Variants in CHRM3 observed in about 807,000 individuals in gnomAD.
CHRM3 encodes muscarinic acetylcholine receptor M3.
CHRM3 carries 11 observed loss-of-function variants against 41.8 expected under a neutral mutation model. The ratio of observed to expected loss-of-function variants is 0.26; its 90% CI spans 0.17 to 0.44. The LOEUF is 0.44. Among genes scored for constraint, CHRM3 ranks in the 20% least tolerant of loss-of-function variants. The pLI is 1.00. For synonymous variants in CHRM3, 297 were observed against 301.4 expected, an observed-to-expected ratio of 0.99 and a Z score of 0.15; for missense variants, 571 against 745.4, an observed-to-expected ratio of 0.77 and a Z score of 2.72.
chr1:239,852,293 A>G (rs192166007), intron 6 of CHRM3, among the ~76,000 whole-genome samples: 124 of 152,298 alleles, frequency 8.1e-4, no homozygotes, highest in Non-Finnish European at 1.5e-3. Context: ...AAAGCAGTGT[A>G]TTAGGCACTG....
At chr1:239,524,817 G>A (rs999395722) in intron 2 of CHRM3, among the ~76,000 whole-genome samples, 2 of 152,028 alleles carry the variant, frequency 1.3e-5, no homozygotes, top group African/African-American at 2.4e-5. Flanking sequence ...GTTCCATCCT[G>A]CCACGGCTCT....
chr1:239,850,245 TAAG>T (rs766432234), intron 6 of CHRM3, among the ~76,000 whole-genome samples: 16 of 152,126 alleles, frequency 1.1e-4, no homozygotes, highest in Non-Finnish European at 1.6e-4. Flanking sequence ...AGAAAACCAT[TAAG>T]AAGAGAAAAT....
In CHRM3 at chr1:239,637,710, C is replaced by CTT. The variant is rs112810831; in HGVS notation, c.-250+5437_-250+5438dup. ...CTGCTCCTGTGAGCTTCACATTTTT[C>CTT]TTTTTTTTTTTTTTGGGGAATTTGT... On this transcript the variant is annotated intron_variant, in intron 4 of 6. Transcript: ENST00000676153. Among the ~76,000 whole-genome samples the CTT allele has an allele frequency of 1.4e-4, 15 of 109,534 alleles. 1 individual carries two copies. The highest frequency in any genetic ancestry group is 3.0e-4 in the South Asian group (1 of 3,354). The allele number at this position is 109,534 out of a possible 152,430, so 71.9% of individuals were successfully genotyped here.
chr1:239,601,959 A>C (rs1665597717), intron 3 of CHRM3, among the ~76,000 whole-genome samples: 1 of 151,628 alleles, frequency 6.6e-6, no homozygotes, highest in South Asian at 2.1e-4. Flanking sequence ...AATGTCAATA[A>C]ATTGATCCTG....
intron 5 of CHRM3, among the ~76,000 whole-genome samples, chr1:239,773,739 G>A (rs1269539119): frequency 6.6e-6 from 1 of 152,210 alleles, no homozygotes; most frequent in South Asian, 2.1e-4. Flanking sequence ...AAGATGGCTA[G>A]TTGTAATCAA....
chr1:239,715,569 C>A (rs1261671818), intron 5 of CHRM3, among the ~76,000 whole-genome samples: 1 of 152,016 alleles, frequency 6.6e-6, no homozygotes, highest in Non-Finnish European at 1.5e-5. Context: ...CTCCAGTGCA[C>A]CACCACATAG....
At chr1:239,889,148 C>T (rs1678324905) in intron 6 of CHRM3, among the ~76,000 whole-genome samples, 1 of 152,052 alleles carries the variant, frequency 6.6e-6, no homozygotes, top group Admixed American at 6.6e-5. Context: ...GAATGGATCA[C>T]CGGATCCACA....
At chr1:239,843,626 C>T (rs1303840432) in intron 6 of CHRM3, among the ~76,000 whole-genome samples, 1 of 151,966 alleles carries the variant, frequency 6.6e-6, no homozygotes. Flanking sequence ...ATTTTCATTA[C>T]TCTAATAGAA....
intron 1 of CHRM3, among the ~76,000 whole-genome samples, chr1:239,488,872 A>G (rs1401473674): frequency 6.6e-6 from 1 of 152,058 alleles, no homozygotes; most frequent in Non-Finnish European, 1.5e-5. Context: ...ATTGTTAGGC[A>G]TTTTGTATGC....
intron 1 of CHRM3, among the ~76,000 whole-genome samples, chr1:239,452,416 A>G (rs115855328): frequency 0.011 from 1,633 of 152,322 alleles, 24 homozygotes; most frequent in African/African-American, 0.037. Context: ...CTAGAAATTA[A>G]TTGCTTCATT....
rs556249025 is a variant in CHRM3 at position 239,672,980 on chromosome 1, G to C, written c.-249-5206G>C. 1.2e-3 allele frequency among the ~76,000 whole-genome samples: 182 copies of C among 152,186 alleles called. 1 individual carries two copies. Among genetic ancestry groups the C allele is most frequent in the African/African-American group, 4.0e-3 (167 of 41,516 alleles). ...GCCCAAGACTAGAGAGATGTGATTA[G>C]GGCACCATGTGAGACTCATGATGAA... On this transcript the variant is annotated intron_variant, in intron 4 of 6. Transcript: ENST00000676153.
In CHRM3 at chr1:239,747,672, G is replaced by C. The variant is rs1665485348; in HGVS notation, c.-147+69384G>C. Among the ~76,000 whole-genome samples, 3 of 152,184 alleles carry C rather than the reference G, an allele frequency of 2.0e-5. No homozygotes were observed. In the South Asian group the frequency reaches 6.2e-4, roughly 32 times the overall value. Reference sequence around the variant, plus strand: ...GAATGTGTGGCTTGCTCTGCATTTTGAAAGTATTAGTAACATGTTTTCAAA... The same window carrying C: ...GAATGTGTGGCTTGCTCTGCATTTTCAAAGTATTAGTAACATGTTTTCAAA... On this transcript the variant is annotated intron_variant, in intron 5 of 6. Coordinates refer to ENST00000676153, the MANE Select transcript of CHRM3 (RefSeq NM_001375978.1).
chr1:239,532,614 C>G (rs1163996705), intron 2 of CHRM3, among the ~76,000 whole-genome samples: 1 of 118,124 alleles, frequency 8.5e-6, no homozygotes, highest in Non-Finnish European at 1.9e-5. Flanking sequence ...CAGAGCAAGA[C>G]TGCCTCTCAA....
rs1302944444 is a variant in CHRM3, at chr1:239,908,761, C to G, written c.1310C>G (p.Thr437Arg). The change falls in exon 7 of 7, where the codon ACA (threonine) becomes AGA (arginine). Residue 437 changes from threonine (T) to arginine (R), a missense_variant. Physicochemically the swap from Thr to Arg is moderately conservative, Grantham distance 71 (BLOSUM62 -1). Transcript: ENST00000676153. This position sits in a 1 kb window ranked among gnomAD's most constrained non-coding sequence, Gnocchi z 7.2. ...ATCCAGCTAGAGTCAGCCGTGGACA[C>G]AGCTAAGACTTCTGACGTCAACTCC... ...LPIQLESAVDTAKTSDVNSSV... is the reference protein window; with the variant it reads ...LPIQLESAVDRAKTSDVNSSV... 4 of 1,614,038 alleles carry G rather than the reference C, an allele frequency of 2.5e-6. No individual in the cohort carries two copies. The highest frequency in any genetic ancestry group is 2.2e-5 in the East Asian group (1 of 44,850).
At chr1:239,573,281 G>A (rs1374875072) in intron 3 of CHRM3, among the ~76,000 whole-genome samples, 1 of 152,058 alleles carries the variant, frequency 6.6e-6, no homozygotes, top group Admixed American at 6.5e-5. Context: ...CAGTTTTACT[G>A]AGTTCCTTCT....
chr1:239,624,458 A>C (rs1318688576), intron 3 of CHRM3, among the ~76,000 whole-genome samples: 1 of 92,310 alleles, frequency 1.1e-5, no homozygotes, highest in African/African-American at 4.4e-5. Context: ...TTGCCTGTTC[A>C]CTCTGATGGT....
intron 3 of CHRM3, among the ~76,000 whole-genome samples, chr1:239,572,660 G>A (rs1440457090): frequency 5.9e-5 from 9 of 152,090 alleles, no homozygotes; most frequent in Admixed American, 3.9e-4. Context: ...TTGTTCCCAA[G>A]GATAACAGGG....
At chr1:239,701,758 C>A (rs964028903) in intron 5 of CHRM3, among the ~76,000 whole-genome samples, 1 of 152,162 alleles carries the variant, frequency 6.6e-6, no homozygotes, top group African/African-American at 2.4e-5. Context: ...CCTAACCCAC[C>A]CATTGTTCTA....
At chr1:239,410,957 A>C (rs1661016796) in intron 1 of CHRM3, among the ~76,000 whole-genome samples, 1 of 152,154 alleles carries the variant, frequency 6.6e-6, no homozygotes, top group Non-Finnish European at 1.5e-5. Flanking sequence ...GCTTTGTTCC[A>C]ACTGGGAAAC....
Sources: allele counts gnomAD v4.1 joint callset (sites outside exome capture counted in the v4.1 genomes callset), GRCh38; gene constraint gnomAD v4.1.1; non-coding constraint Gnocchi (gnomAD v3.1); transcripts MANE v1.5; gene names NCBI Gene and HGNC (gene_info 2026-07-23, HGNC 2026-07-21).